CDH23: variants seen among roughly 807,000 people sequenced by gnomAD.
CDH23 encodes cadherin-23.
Under a neutral mutation model 317.1 loss-of-function variants are expected in CDH23, and 189 were observed. The ratio of observed to expected loss-of-function variants is 0.60; its 90% CI spans 0.53 to 0.67. The LOEUF (loss-of-function observed/expected upper bound fraction) is 0.67, where lower values mean the gene tolerates loss of function less well. CDH23 is among the 30% of genes least tolerant of loss of function. The pLI is 0.00. For synonymous variants in CDH23, 1,839 were observed against 1,876.8 expected, an observed-to-expected ratio of 0.98 and a Z score of 0.52; for missense variants, 4,401 against 4,592.4, an observed-to-expected ratio of 0.96 and a Z score of 1.20.
At chr10:71,405,537 A>G (rs1029822334) in intron 1 of CDH23, among the ~76,000 whole-genome samples, 4 of 151,248 alleles carry the variant, frequency 2.6e-5, no homozygotes, top group African/African-American at 9.8e-5. Context: ...TCCCAGATTC[A>G]AACAATTCTC....
chr10:71,667,862 TAG>T (rs2132648878), intron 14 of CDH23, among the ~76,000 whole-genome samples: 2 of 151,982 alleles, frequency 1.3e-5, no homozygotes, highest in East Asian at 3.9e-4. Context: ...GGGCTGGACA[TAG>T]AGTTTTGAAT....
At chr10:71,759,488 CAGAG>C (rs767307002) in intron 38 of CDH23, among the ~76,000 whole-genome samples, 31 of 150,716 alleles carry the variant, frequency 2.1e-4, no homozygotes, top group Admixed American at 7.9e-4. Flanking sequence ...GCCTGAGTGA[CAGAG>C]AGAGAGTCTT....
chr10:71,610,234 C>T (rs1860792893), intron 9 of CDH23, among the ~76,000 whole-genome samples: 1 of 152,196 alleles, frequency 6.6e-6, no homozygotes. Context: ...AAATGCTGAC[C>T]TCAAGTAATC....
At chr10:71,515,380 TCTCTCTCTCTCTCTCA>T (rs1014301436) in intron 6 of CDH23, among the ~76,000 whole-genome samples, 15 of 121,662 alleles carry the variant, frequency 1.2e-4, no homozygotes, top group East Asian at 6.8e-4. Flanking sequence ...TCTCTCTCTC[TCTCTCTCTCTCTCTCA>T]CACACACACA....
At position 71,732,191 on chromosome 10, in the gene CDH23, T is replaced by G. The variant is rs1839413608; in HGVS notation, c.3920T>G (p.Leu1307Arg). 2 of 1,613,946 alleles carry G rather than the reference T, an allele frequency of 1.2e-6. No homozygotes were observed. The highest frequency in any genetic ancestry group is 1.7e-6 in the Non-Finnish European group (2 of 1,179,834). The change falls in exon 32 of 70, where the codon CTG becomes CGG. Residue 1307 changes from leucine to arginine, a missense_variant. This residue lies in a region of CDH23 where 3,068 missense variants were observed against 3,203.3 expected (regional missense o/e 0.96). Transcript: ENST00000224721. Reference sequence around the variant, plus strand: ...GTCTACATCACTCTGCTCAACGAGCTGGACGAGGCCGTGCAGTTCTCCAAT... The same window carrying G: ...GTCTACATCACTCTGCTCAACGAGCGGGACGAGGCCGTGCAGTTCTCCAAT... ...CSVYITLLNE[L>R]DEAVQFSNAS...
At chr10:71,795,125 A>G (rs1841363619) in intron 48 of CDH23, among the ~76,000 whole-genome samples, 2 of 152,222 alleles carry the variant, frequency 1.3e-5, no homozygotes, top group Admixed American at 6.5e-5. Flanking sequence ...TGATTTTCAG[A>G]AATACTTTTA....
chr10:71,544,389 G>A (rs114900804), intron 6 of CDH23, among the ~76,000 whole-genome samples: 2,072 of 152,278 alleles, frequency 0.014, 51 homozygotes, highest in African/African-American at 0.047. Flanking sequence ...TAGCAGAAGG[G>A]GTTCCAATCA....
intron 21 of CDH23, 55 bp from the exon 22 acceptor site, chr10:71,695,363 T>A: frequency 7.8e-7 from 1 of 1,285,084 alleles, no homozygotes; most frequent in African/African-American, 1.4e-5. Flanking sequence ...TGGCAGGCCC[T>A]GCCCTGGCCC....
chr10:71,764,194 G>A (rs950413137), intron 38 of CDH23, among the ~76,000 whole-genome samples: 10 of 152,212 alleles, frequency 6.6e-5, no homozygotes, highest in African/African-American at 2.4e-4. Flanking sequence ...CAGGATCTAG[G>A]CAGAACCGTA....
chr10:71,421,595 A>C (rs1460979183), intron 1 of CDH23, among the ~76,000 whole-genome samples: 1 of 152,212 alleles, frequency 6.6e-6, no homozygotes, highest in Non-Finnish European at 1.5e-5. Flanking sequence ...AGAAAAGCTT[A>C]TTTATCAATA....
At chr10:71,649,198 C>T (rs920949306) in intron 14 of CDH23, among the ~76,000 whole-genome samples, 1 of 152,158 alleles carries the variant, frequency 6.6e-6, no homozygotes, top group Non-Finnish European at 1.5e-5. Flanking sequence ...CCCGGCAGCT[C>T]TCTGCTCAGA....
intron 38 of CDH23, among the ~76,000 whole-genome samples, chr10:71,769,575 A>G (rs111625591): frequency 0.49 from 73,838 of 151,628 alleles, 18,966 homozygotes; most frequent in South Asian, 0.66. Flanking sequence ...AAACACCATC[A>G]TGGAATTAAC....
chr10:71,522,040 C>T (rs140822144), intron 6 of CDH23, among the ~76,000 whole-genome samples: 77 of 152,262 alleles, frequency 5.1e-4, no homozygotes, highest in African/African-American at 1.5e-3. Context: ...CTGTCCACTC[C>T]ATGCTGTCTG....
chr10:71,810,425 GC>G (rs773171316), intron 61 of CDH23, 46 bp from the exon 62 acceptor site: 1 of 1,564,676 alleles, frequency 6.4e-7, no homozygotes, highest in Non-Finnish European at 8.8e-7. Flanking sequence ...CATCCCTGTG[GC>G]CCCCTGCTGT....
chr10:71,473,814 G>A lies in CDH23; in HGVS notation c.145+27419G>A, dbSNP rs778312312. ...AGGGTCAGGTGAGCAGTGGGCAGGG[G>A]TGCCCACAGCTGGCCCCTGTGAGCA... On this transcript the variant is annotated intron_variant, in intron 3 of 69. Transcript: ENST00000224721. Among the ~76,000 whole-genome samples the A allele has an allele frequency of 7.7e-4, 117 of 152,238 alleles. No homozygotes were observed. The Middle Eastern group carries it at 0.02, about 27-fold the overall frequency.
At chr10:71,466,367 C>A (rs946108979) in intron 3 of CDH23, among the ~76,000 whole-genome samples, 2 of 151,900 alleles carry the variant, frequency 1.3e-5, no homozygotes, top group Non-Finnish European at 2.9e-5. Flanking sequence ...TGTGTGTGCT[C>A]ATGTGTGTCC....
chr10:71,590,257 A>G (rs1859374530), intron 9 of CDH23, among the ~76,000 whole-genome samples: 1 of 152,282 alleles, frequency 6.6e-6, no homozygotes, highest in Admixed American at 6.5e-5. Flanking sequence ...ATTTTCAGAC[A>G]TTCATTGAAG....
At chr10:71,736,307 C>T (rs1839563761) in intron 34 of CDH23, among the ~76,000 whole-genome samples, 1 of 152,200 alleles carries the variant, frequency 6.6e-6, no homozygotes, top group African/African-American at 2.4e-5. Flanking sequence ...GTTTGAGGTG[C>T]TAGGGTGGAG....
intron 8 of CDH23, among the ~76,000 whole-genome samples, chr10:71,572,712 G>A (rs1004651704): frequency 1.3e-5 from 2 of 152,144 alleles, no homozygotes; most frequent in African/African-American, 4.8e-5. Flanking sequence ...CCGTCCCAGA[G>A]ATAGCAACTC....
Sources: allele counts gnomAD v4.1 joint callset (sites outside exome capture counted in the v4.1 genomes callset), GRCh38; gene constraint gnomAD v4.1.1; regional missense constraint gnomAD v4.1.1; transcripts MANE v1.5; gene names NCBI Gene and HGNC (gene_info 2026-07-23, HGNC 2026-07-21).